The following SPATA17 variants were observed in gnomAD, a reference collection of about 807,000 sequenced individuals.
The protein encoded by SPATA17 is spermatogenesis-associated protein 17.
In SPATA17, 53 loss-of-function variants were observed where a neutral mutation model predicts 62.2. The ratio of observed to expected loss-of-function variants is 0.85; its 90% CI spans 0.68 to 1.07. The LOEUF is 1.07. Ranked by LOEUF, SPATA17 falls within the 50% of genes least tolerant of loss-of-function variation. SPATA17 has a pLI of 0.00. For synonymous variants in SPATA17, 146 were observed against 146.8 expected (o/e 0.99, Z 0.04); for missense variants, 466 against 425.5 (o/e 1.10, Z -0.84).
chr1:217,737,264 T>C (rs1344297032), intron 5 of SPATA17, among the ~76,000 whole-genome samples: 1 of 152,150 alleles, frequency 6.6e-6, no homozygotes, highest in African/African-American at 2.4e-5. Context: ...TTAAATGAGA[T>C]GATATCTATG....
At chr1:217,666,545 A>T (rs1306899610) in intron 3 of SPATA17, among the ~76,000 whole-genome samples, 1 of 151,904 alleles carries the variant, frequency 6.6e-6, no homozygotes, top group Non-Finnish European at 1.5e-5. Flanking sequence ...TTTAGTTTTT[A>T]AAAAAATTAT....
chr1:217,665,196 C>T (rs981198192), intron 3 of SPATA17: 1 of 152,150 alleles, frequency 6.6e-6, no homozygotes, highest in African/African-American at 2.4e-5. Flanking sequence ...ATACTCTCAT[C>T]AGTAATCATT....
chr1:217,803,230 T>C (rs944021877), intron 9 of SPATA17, among the ~76,000 whole-genome samples: 4 of 152,080 alleles, frequency 2.6e-5, no homozygotes, highest in Non-Finnish European at 5.9e-5. Context: ...GCCCAGTCCT[T>C]GAGGCATTCA....
At chr1:217,828,496 T>G (rs1217457357) in intron 9 of SPATA17, among the ~76,000 whole-genome samples, 2 of 140,744 alleles carry the variant, frequency 1.4e-5, no homozygotes, top group Admixed American at 7.4e-5. Flanking sequence ...TAGGTAGAAC[T>G]TCTTTGATAT....
chr1:217,864,045 A>G (rs1323486053), intron 10 of SPATA17, among the ~76,000 whole-genome samples: 1 of 152,232 alleles, frequency 6.6e-6, no homozygotes, highest in Non-Finnish European at 1.5e-5. Flanking sequence ...ACCAATGTCT[A>G]TCTTTTAGCT....
At chr1:217,710,930 A>T (rs1671847816) in intron 5 of SPATA17, among the ~76,000 whole-genome samples, 2 of 152,008 alleles carry the variant, frequency 1.3e-5, no homozygotes, top group Admixed American at 1.3e-4. Context: ...ACCTTTTATG[A>T]CTTCTTTCAC....
chr1:217,711,808 G>A (rs1005521534), intron 5 of SPATA17, among the ~76,000 whole-genome samples: 37 of 152,270 alleles, frequency 2.4e-4, no homozygotes, highest in African/African-American at 7.5e-4. Flanking sequence ...ACTATAATAC[G>A]TTTCCAAGAA....
At chr1:217,697,270 C>T (rs1374189526) in intron 5 of SPATA17, among the ~76,000 whole-genome samples, 7 of 152,178 alleles carry the variant, frequency 4.6e-5, no homozygotes, top group African/African-American at 9.7e-5. Flanking sequence ...CGTGAGTCGC[C>T]GAGACTGGCC....
chr1:217,703,582 T>C (rs991444096), intron 5 of SPATA17, among the ~76,000 whole-genome samples: 1 of 152,234 alleles, frequency 6.6e-6, no homozygotes, highest in African/African-American at 2.4e-5. Context: ...TCTTTACTTT[T>C]GTAATGTCAT....
intron 3 of SPATA17, among the ~76,000 whole-genome samples, chr1:217,661,376 T>A (rs1670565104): frequency 6.6e-6 from 1 of 151,962 alleles, no homozygotes; most frequent in Non-Finnish European, 1.5e-5. Context: ...AGTTCTGGGA[T>A]CTCTTTAGTG....
At chr1:217,826,988 C>G (rs1675014936) in intron 9 of SPATA17, among the ~76,000 whole-genome samples, 1 of 151,890 alleles carries the variant, frequency 6.6e-6, no homozygotes, top group South Asian at 2.1e-4. Context: ...ATTTAGTGAT[C>G]TTTTTTATGT....
intron 5 of SPATA17, among the ~76,000 whole-genome samples, chr1:217,721,179 A>C (rs1379214311): frequency 6.6e-6 from 1 of 152,162 alleles, no homozygotes. Flanking sequence ...GAGAGGGAAA[A>C]ACTAGATATC....
intron 5 of SPATA17, among the ~76,000 whole-genome samples, chr1:217,737,190 G>A (rs888166970): frequency 1.3e-5 from 2 of 152,154 alleles, no homozygotes; most frequent in African/African-American, 4.8e-5. Context: ...TAATCTCTGT[G>A]AGTATCATTT....
intron 9 of SPATA17, among the ~76,000 whole-genome samples, chr1:217,818,340 G>A (rs979721361): frequency 6.6e-6 from 1 of 151,930 alleles, no homozygotes; most frequent in Non-Finnish European, 1.5e-5. Context: ...CACTTTAATG[G>A]GGATATGTTC....
intron 1 of SPATA17, 46 bp downstream of exon 1, chr1:217,631,492 A>G: frequency 6.3e-7 from 1 of 1,595,540 alleles, no homozygotes; most frequent in Non-Finnish European, 8.6e-7. Flanking sequence ...GCGTGACTTT[A>G]TACCAGTTGT....
intron 9 of SPATA17, among the ~76,000 whole-genome samples, chr1:217,849,186 C>T (rs553604706): frequency 6.6e-6 from 1 of 152,206 alleles, no homozygotes; most frequent in African/African-American, 2.4e-5. Context: ...ATCTGTTGAT[C>T]TTTTGCTGTT....
chr1:217,678,328 C>T (rs1426205356), intron 4 of SPATA17, among the ~76,000 whole-genome samples: 5 of 151,430 alleles, frequency 3.3e-5, no homozygotes, highest in Non-Finnish European at 7.4e-5. Flanking sequence ...CCTGCCTCAG[C>T]CTCCTGAGTA....
chr1:217,768,950 C>T (rs1032422804), intron 6 of SPATA17, among the ~76,000 whole-genome samples: 1 of 152,108 alleles, frequency 6.6e-6, no homozygotes, highest in East Asian at 1.9e-4. Flanking sequence ...CTAATCCCTT[C>T]CACCCCCGCC....
intron 6 of SPATA17, among the ~76,000 whole-genome samples, chr1:217,766,720 C>CTTTTTTTT (rs71167423): frequency 1.5e-5 from 2 of 131,396 alleles, no homozygotes; most frequent in Non-Finnish European, 1.6e-5. Flanking sequence ...ATATCGTTCT[C>CTTTTTTTT]TTTTTTTTTT....
Sources: allele counts gnomAD v4.1 joint callset (sites outside exome capture counted in the v4.1 genomes callset), GRCh38; gene constraint gnomAD v4.1.1; transcripts MANE v1.5; gene names NCBI Gene and HGNC (gene_info 2026-07-23, HGNC 2026-07-21).